CCDC38: variants seen among roughly 807,000 people sequenced by gnomAD.
CCDC38 encodes coiled-coil domain containing 38, also known as coiled-coil domain-containing protein 38.
In CCDC38, 69 loss-of-function variants were observed where a neutral mutation model predicts 72.8. That is an observed-to-expected ratio of 0.95 (90% confidence interval 0.78 to 1.16). CCDC38 has a LOEUF of 1.16. CCDC38 is among the 50% of genes most tolerant of loss of function. The probability of loss-of-function intolerance (pLI) is 0.00; values close to 1 mark genes in which losing one functional copy is unlikely to be tolerated. For missense variants in CCDC38, 626 were observed against 638.9 expected, an observed-to-expected ratio of 0.98 and a Z score of 0.22; for synonymous variants, 201 against 213.2, an observed-to-expected ratio of 0.94 and a Z score of 0.50.
chr12:95,869,047 A>G (rs1262317213), intron 15 of CCDC38, among the ~76,000 whole-genome samples: 3 of 152,232 alleles, frequency 2.0e-5, no homozygotes, highest in African/African-American at 7.2e-5. Flanking sequence ...GAATATGTAC[A>G]TAAATACATA....
chr12:95,897,500 C>T (rs755139520), intron 7 of CCDC38, among the ~76,000 whole-genome samples: 2 of 150,568 alleles, frequency 1.3e-5, no homozygotes, highest in Non-Finnish European at 2.9e-5. Flanking sequence ...ATCCCAGCTA[C>T]TCAAGTGGCT....
chr12:95,878,247 C>T lies in CCDC38; in HGVS notation c.1242G>A (p.Lys414=), dbSNP rs370671877. 2.5e-5 allele frequency: 40 copies of T among 1,613,532 alleles called. No homozygotes were observed. In the Admixed American group the frequency reaches 3.3e-4, roughly 13 times the overall value. ...AATTAAATTCTCCAAAGCTAAAGAG[C>T]TTGGACTTTAATTGCAATTCTGCTG... ...EKAAELQLKS[K]LFSFGEFNSD... Residue 414 remains lysine, a synonymous_variant, in exon 13 of 16, where the codon AAG becomes AAA. Transcript: ENST00000344280.
chr12:95,942,663 C>G (rs2080466510), upstream of CCDC38: 1 of 152,434 alleles, frequency 6.6e-6, no homozygotes, highest in South Asian at 2.1e-4. Flanking sequence ...CCTACCGCAT[C>G]CCCCTCCTCC....
intron 4 of CCDC38, among the ~76,000 whole-genome samples, chr12:95,914,097 G>A (rs1592789734): frequency 6.6e-6 from 1 of 152,378 alleles, no homozygotes; most frequent in African/African-American, 2.4e-5. Flanking sequence ...ACCGAGGCAG[G>A]TGGATTACTT....
intron 13 of CCDC38, among the ~76,000 whole-genome samples, chr12:95,875,565 T>C (rs2079626947): frequency 2.6e-5 from 4 of 152,148 alleles, no homozygotes; most frequent in Admixed American, 6.6e-5. Context: ...TTTTAAAAAA[T>C]GAGCTGCAGC....
At chr12:95,897,119 A>G (rs1395154643) in intron 7 of CCDC38, among the ~76,000 whole-genome samples, 2 of 151,886 alleles carry the variant, frequency 1.3e-5, no homozygotes, top group Non-Finnish European at 2.9e-5. Context: ...AGAGAAACCA[A>G]CTCTGCTTTA....
intron 13 of CCDC38, among the ~76,000 whole-genome samples, chr12:95,875,180 T>C (rs921816525): frequency 1.3e-5 from 2 of 152,146 alleles, no homozygotes; most frequent in African/African-American, 4.8e-5. Context: ...ATTGATGGCA[T>C]GAGACGTCAG....
At chr12:95,890,037 C>T (rs1227800735) in intron 9 of CCDC38, among the ~76,000 whole-genome samples, 1 of 152,082 alleles carries the variant, frequency 6.6e-6, no homozygotes, top group East Asian at 1.9e-4. Flanking sequence ...TCAACCTCCT[C>T]AGCAGCTGGG....
rs556462309 is a variant in CCDC38, at chr12:95,892,813, C to T, written c.773-1883G>A. ...CTCGAACTCCTGACCTTGTGATCCACCCACCTTGGCCTCCCAAAATGCTGG... is the reference window on the plus strand; with the variant it reads ...CTCGAACTCCTGACCTTGTGATCCATCCACCTTGGCCTCCCAAAATGCTGG... On this transcript the variant is annotated intron_variant, in intron 8 of 15. Transcript: ENST00000344280. Among the ~76,000 whole-genome samples, 56 of 152,002 alleles carry T rather than the reference C, an allele frequency of 3.7e-4. 3 individuals are homozygous for T. The highest frequency in any genetic ancestry group is 1.2e-4 in the Non-Finnish European group (8 of 68,002).
intron 4 of CCDC38, among the ~76,000 whole-genome samples, chr12:95,910,744 G>A (rs1053274903): frequency 6.6e-6 from 1 of 152,122 alleles, no homozygotes; most frequent in East Asian, 1.9e-4. Flanking sequence ...CGTGCCTATA[G>A]TCCTAGCCTC....
chr12:95,920,919 G>GGTGGATAACCTGAGGTCA (rs1398290488), intron 2 of CCDC38, among the ~76,000 whole-genome samples: 9 of 152,016 alleles, frequency 5.9e-5, no homozygotes, highest in East Asian at 3.9e-4. Flanking sequence ...ACCTGAGGTC[G>GGTGGATAACCTGAGGTCA]GGAGTTCGAG....
intron 4 of CCDC38, among the ~76,000 whole-genome samples, chr12:95,908,721 C>G (rs1160388894): frequency 2.0e-5 from 3 of 146,896 alleles, no homozygotes; most frequent in Non-Finnish European, 4.5e-5. Flanking sequence ...CACAACTAAC[C>G]TAAGCTTGTG....
At chr12:95,877,576 G>T (rs1421842524) in intron 13 of CCDC38, among the ~76,000 whole-genome samples, 1 of 152,158 alleles carries the variant, frequency 6.6e-6, no homozygotes, top group Non-Finnish European at 1.5e-5. Flanking sequence ...CTGGTTGTGG[G>T]TCTAAAAGCT....
intron 2 of CCDC38, chr12:95,934,627 G>T (rs2080372003): frequency 6.6e-6 from 1 of 150,552 alleles, no homozygotes; most frequent in Non-Finnish European, 1.5e-5. Flanking sequence ...CTAATATTCT[G>T]CATTTTGTTT....
chr12:95,924,754 A>T (rs1285134840), intron 2 of CCDC38, among the ~76,000 whole-genome samples: 26 of 149,952 alleles, frequency 1.7e-4, no homozygotes, highest in African/African-American at 6.3e-4. Context: ...AGCTTTCTAC[A>T]TATGGCTAGC....
chr12:95,907,427 G>T (rs1453673854), intron 4 of CCDC38, among the ~76,000 whole-genome samples: 1 of 130,664 alleles, frequency 7.7e-6, no homozygotes, highest in African/African-American at 3.2e-5. Flanking sequence ...TCACCTCCCG[G>T]ACGGGGCGGC....
intron 10 of CCDC38, 27 bp from the exon 11 acceptor site, chr12:95,881,581 T>G (rs760024951): frequency 6.3e-7 from 1 of 1,584,562 alleles, no homozygotes; most frequent in Admixed American, 1.7e-5. Flanking sequence ...AAAAAGAAAA[T>G]GTCTGATTTG....
At chr12:95,940,502 G>A (rs1242357507) in intron 1 of CCDC38, among the ~76,000 whole-genome samples, 1 of 152,148 alleles carries the variant, frequency 6.6e-6, no homozygotes, top group African/African-American at 2.4e-5. Flanking sequence ...CTCAATGTGA[G>A]ATAAAAAGCA....
At chr12:95,914,374 A>G in intron 4 of CCDC38, among the ~76,000 whole-genome samples, 1 of 152,204 alleles carries the variant, frequency 6.6e-6, no homozygotes, top group Non-Finnish European at 1.5e-5. Flanking sequence ...GGAATCACTG[A>G]CATTCATAAA....
Sources: allele counts gnomAD v4.1 joint callset (sites outside exome capture counted in the v4.1 genomes callset), GRCh38; gene constraint gnomAD v4.1.1; transcripts MANE v1.5; gene names NCBI Gene and HGNC (gene_info 2026-07-23, HGNC 2026-07-21).